CNTN4: variants seen among roughly 807,000 people sequenced by gnomAD.
The protein encoded by CNTN4 is contactin-4.
A neutral mutation model predicts 122.5 loss-of-function variants in CNTN4; 77 were observed. The observed-to-expected ratio is 0.63, with a 90% confidence interval of 0.52 to 0.76. CNTN4 has a LOEUF of 0.76. CNTN4 is among the 30% of genes least tolerant of loss of function. The pLI is 0.00. For missense variants in CNTN4, 1,256 were observed against 1,259.1 expected, an observed-to-expected ratio of 1.00 and a Z score of 0.04; for synonymous variants, 512 against 447.0, an observed-to-expected ratio of 1.15 and a Z score of -1.83.
At chr3:2,687,340 C>G (rs561151036) in intron 4 of CNTN4, among the ~76,000 whole-genome samples, 76 of 17,024 alleles carry the variant, frequency 4.5e-3, no homozygotes, top group Admixed American at 0.017. Context: ...GCCAGCCTGT[C>G]TTCTGTAGAC....
Position 2,579,885 on chromosome 3 carries a change from A to G in CNTN4, c.55+8327A>G, listed in dbSNP as rs1234189454. Among the ~76,000 whole-genome samples the G allele has an allele frequency of 3.9e-5, 6 of 152,212 alleles. No individual in the cohort carries two copies. In the South Asian group the frequency reaches 6.2e-4, roughly 16 times the overall value. On this transcript the variant is annotated intron_variant, in intron 4 of 24. Transcript: ENST00000418658. Reference sequence around the variant, plus strand: ...CAGTGATGTTGACGATGATGTTGCCATATTAGTTTCTTAGAACATTAGTTT... The same window carrying G: ...CAGTGATGTTGACGATGATGTTGCCGTATTAGTTTCTTAGAACATTAGTTT...
At chr3:2,552,185 T>A (rs532749045) in intron 3 of CNTN4, among the ~76,000 whole-genome samples, 31 of 152,250 alleles carry the variant, frequency 2.0e-4, no homozygotes, top group African/African-American at 7.0e-4. Context: ...CTGCAGTCTG[T>A]TACTGTTGAA....
intron 9 of CNTN4, among the ~76,000 whole-genome samples, chr3:2,884,044 A>G (rs1456254847): frequency 6.6e-6 from 1 of 152,086 alleles, no homozygotes; most frequent in Admixed American, 6.5e-5. Flanking sequence ...TGACGAATCC[A>G]TTACTAACTC....
intron 4 of CNTN4, among the ~76,000 whole-genome samples, chr3:2,686,939 A>C (rs1451126405): frequency 6.6e-6 from 1 of 152,180 alleles, no homozygotes; most frequent in East Asian, 1.9e-4. Flanking sequence ...GATGCTTTGG[A>C]GGTCATTAAC....
intron 14 of CNTN4, among the ~76,000 whole-genome samples, chr3:3,011,335 T>C (rs1433420899): frequency 6.6e-6 from 1 of 152,182 alleles, no homozygotes; most frequent in Non-Finnish European, 1.5e-5. Context: ...AGTGAGCTGG[T>C]TTAGTTATTC....
chr3:2,293,432 G>A (rs571159668), intron 2 of CNTN4, among the ~76,000 whole-genome samples: 2 of 152,238 alleles, frequency 1.3e-5, no homozygotes, highest in African/African-American at 4.8e-5. Flanking sequence ...GAGGCAGAAT[G>A]GCATAGTATT....
At chr3:2,169,551 C>T (rs1030989872) in intron 2 of CNTN4, among the ~76,000 whole-genome samples, 43 of 103,598 alleles carry the variant, frequency 4.2e-4, no homozygotes, top group East Asian at 2.0e-3. Context: ...GGACTACAGG[C>T]GCCGCCACCA....
Position 2,709,993 on chromosome 3 carries a change from T to C in CNTN4, c.56-26222T>C, listed in dbSNP as rs975371716. On this transcript the variant is annotated intron_variant, in intron 4 of 24. Transcript: ENST00000418658. This position sits in a 1 kb window ranked among gnomAD's most constrained non-coding sequence, Gnocchi z 5.0. ...TGCTGAAACCCTCCTTTGTTAACAT[T>C]TTAAATTGTCGCTCTATAGATGTCA... Among the ~76,000 whole-genome samples, 1 of 152,200 alleles carries C rather than the reference T, an allele frequency of 6.6e-6. No individual in the cohort carries two copies. Among genetic ancestry groups the C allele is most frequent in the African/African-American group, 2.4e-5 (1 of 41,430 alleles).
intron 2 of CNTN4, among the ~76,000 whole-genome samples, chr3:2,114,898 A>G (rs2033234253): frequency 2.6e-5 from 4 of 152,238 alleles, no homozygotes; most frequent in Non-Finnish European, 5.9e-5. Context: ...TGCTGTCCTC[A>G]GACATTATTA....
At chr3:2,384,878 C>CT (rs995891242) in intron 3 of CNTN4, among the ~76,000 whole-genome samples, 5 of 151,412 alleles carry the variant, frequency 3.3e-5, no homozygotes, top group East Asian at 1.9e-4. Context: ...GCAGATTTTT[C>CT]TTTTTTGTTA....
intron 1 of CNTN4, among the ~76,000 whole-genome samples, chr3:2,100,114 G>A (rs1553563041): frequency 6.6e-6 from 1 of 152,152 alleles, no homozygotes; most frequent in Non-Finnish European, 1.5e-5. Context: ...CAGTGTGACT[G>A]AGCACCCTGG....
chr3:2,535,789 C>T (rs2077780329), intron 3 of CNTN4, among the ~76,000 whole-genome samples: 1 of 151,574 alleles, frequency 6.6e-6, no homozygotes, highest in African/African-American at 2.4e-5. Flanking sequence ...TTTTTTTGTC[C>T]ATGCATGTTT....
chr3:2,943,635 T>A lies in CNTN4; in HGVS notation c.1358+17856T>A, dbSNP rs1449271446. 3.4e-5 allele frequency among the ~76,000 whole-genome samples: 5 copies of A among 145,302 alleles called. No homozygotes were observed. In the East Asian group the frequency reaches 5.9e-4, roughly 17 times the overall value. ...ATTTATATATATATATATATATTTT[T>A]TTTTTTTGAGACGGAGTCTTGCTCT... On this transcript the variant is annotated intron_variant, in intron 13 of 24. Transcript: ENST00000418658.
At chr3:2,412,428 T>G (rs1347710463) in intron 3 of CNTN4, among the ~76,000 whole-genome samples, 1 of 151,944 alleles carries the variant, frequency 6.6e-6, no homozygotes, top group East Asian at 1.9e-4. Flanking sequence ...ATTTTTTGTA[T>G]TGTTATTGGA....
intron 3 of CNTN4, among the ~76,000 whole-genome samples, chr3:2,375,407 A>G (rs1187567212): frequency 1.3e-5 from 2 of 152,056 alleles, no homozygotes; most frequent in African/African-American, 2.4e-5. Context: ...GAGATGGGTC[A>G]TTTTGAAGAT....
chr3:2,201,651 A>G (rs2038099826), intron 2 of CNTN4, among the ~76,000 whole-genome samples: 2 of 152,180 alleles, frequency 1.3e-5, no homozygotes, highest in South Asian at 4.1e-4. Flanking sequence ...TCCAGCAGGC[A>G]GCTAGAAGTA....
intron 2 of CNTN4, among the ~76,000 whole-genome samples, chr3:2,105,405 T>C (rs1559245281): frequency 6.6e-6 from 1 of 152,198 alleles, no homozygotes; most frequent in South Asian, 2.1e-4. Context: ...TGCCTGAGAC[T>C]GGGTAATTTG....
At chr3:2,295,901 G>T (rs1559424873) in intron 2 of CNTN4, among the ~76,000 whole-genome samples, 2 of 152,262 alleles carry the variant, frequency 1.3e-5, no homozygotes, top group African/African-American at 4.8e-5. Flanking sequence ...CATATGACTA[G>T]CCAGTTTTCC....
chr3:2,330,201 A>C (rs1006097953), intron 2 of CNTN4, among the ~76,000 whole-genome samples: 1 of 152,242 alleles, frequency 6.6e-6, no homozygotes, highest in Non-Finnish European at 1.5e-5. Flanking sequence ...GATATTATAA[A>C]GAATACAGAT....
Sources: gnomAD v4.1 joint callset for allele counts (sites outside exome capture counted in the v4.1 genomes callset) on GRCh38, gnomAD v4.1.1 for gene constraint, Gnocchi (gnomAD v3.1) non-coding constraint, MANE v1.5 for transcripts, NCBI Gene and HGNC (gene_info 2026-07-23, HGNC 2026-07-21) for gene names.